Variants in HUWE1 observed in about 807,000 individuals in gnomAD.
HUWE1 encodes the protein E3 ubiquitin-protein ligase HUWE1.
A neutral mutation model predicts 299.4 loss-of-function variants in HUWE1; 18 were observed. The observed-to-expected ratio is 0.06, with a 90% confidence interval of 0.04 to 0.09. The LOEUF (loss-of-function observed/expected upper bound fraction) is 0.09, where lower values mean the gene tolerates loss of function less well. Among genes scored for constraint, HUWE1 ranks in the 10% least tolerant of loss-of-function variants. HUWE1 has a pLI of 1.00. For synonymous variants in HUWE1, 1,317 were observed against 1,286.1 expected (o/e 1.02, Z -0.51); for missense variants, 1,832 against 3,462.3 (o/e 0.53, Z 11.82).
At chrX:53,535,598 G>T in intron 80 of HUWE1, 97 bp from the exon 81 acceptor site, 1 of 589,098 alleles carries the variant, frequency 1.7e-6, no homozygotes, top group South Asian at 2.3e-5. Context: ...CATGTCCTAG[G>T]CAGAGAGATG....
At chrX:53,652,638 C>A (rs1473777991) in intron 4 of HUWE1, among the ~76,000 whole-genome samples, 1 of 111,830 alleles carries the variant, frequency 8.9e-6, no homozygotes, top group Admixed American at 9.5e-5. Context: ...ACATCAAAAA[C>A]AAAATCAAAA....
At position 53,554,717 on chromosome X, in the gene HUWE1, C is replaced by A; in HGVS notation, c.8410G>T (p.Val2804Leu). 8.3e-7 allele frequency: 1 copy of A among 1,211,052 alleles called. No individual in the cohort carries two copies. Among genetic ancestry groups the A allele is most frequent in the Non-Finnish European group, 1.1e-6 (1 of 895,084 alleles). ...GGSSTQLLMP[V>L]EPEELGPTRP... ...GTGGGACCCAATTCCTCTGGCTCTA[C>A]AGGCATCAATAGCTGTGTAGAGCTG... The change falls in exon 61 of 84, where the codon GTA becomes TTA. Residue 2804 changes from valine (V) to leucine (L), a missense_variant. Val to Leu is a conservative substitution (Grantham distance 32). Transcript: ENST00000262854.
chrX:53,648,080 A>G, intron 5 of HUWE1, 132 bp downstream of exon 5: 1 of 524,429 alleles, frequency 1.9e-6, no homozygotes, highest in Non-Finnish European at 3.4e-6. Context: ...TGTTAGGCAC[A>G]TGGCACATGC....
chrX:53,533,287 C>T lies in HUWE1; in HGVS notation c.*22G>A, dbSNP rs1556908264. On this transcript the variant is annotated 3_prime_UTR_variant, in exon 84 of 84. Coordinates refer to ENST00000262854, the MANE Select transcript of HUWE1 (RefSeq NM_031407.7). ...GGTCCAACAATGGTAAAAAAAACCC[C>T]ACGGAGTTGGGCAGGGCCTTATTAG... 1.9e-6 allele frequency: 2 copies of T among 1,074,109 alleles called. No homozygotes were observed. Among genetic ancestry groups the T allele is most frequent in the Admixed American group, 2.2e-5 (1 of 44,754 alleles). The allele number at this position is 1,074,109 out of a possible 1,213,427, so 88.5% of individuals were successfully genotyped here.
chrX:53,570,276 T>C (rs1556949983), intron 47 of HUWE1, among the ~76,000 whole-genome samples: 3 of 112,348 alleles, frequency 2.7e-5, no homozygotes, highest in African/African-American at 9.7e-5. Context: ...CATGTGCTAT[T>C]GCACCTATCT....
chrX:53,652,782 GAA>G (rs1377264801), intron 4 of HUWE1, among the ~76,000 whole-genome samples: 1 of 112,428 alleles, frequency 8.9e-6, no homozygotes, highest in African/African-American at 3.2e-5. Flanking sequence ...ATAGAACAGT[GAA>G]ATACTTTCTT....
chrX:53,682,372 G>A (rs995049752), intron 2 of HUWE1, among the ~76,000 whole-genome samples: 2 of 111,625 alleles, frequency 1.8e-5, no homozygotes, highest in East Asian at 2.8e-4. Flanking sequence ...ATACCAGACC[G>A]CCGCCTATGA....
rs1557005524 is a variant in HUWE1 at position 53,614,565 on chromosome X, T to C, written c.2230A>G (p.Thr744Ala). ...EVQAMQSFNS[T>A]QQNETEPNQQ... ...TTAGGCTCAGTTTCATTTTGCTGGG[T>C]AGAATTAAAGCTCTGCATGGCCTGT... is the stretch of plus-strand genomic sequence containing the variant. Residue 744 changes from threonine to alanine, a missense_variant, in exon 23 of 84, where the codon ACC becomes GCC. Physicochemically the swap from Thr to Ala is moderately conservative, Grantham distance 58. Transcript: ENST00000262854. 2.5e-6 allele frequency: 3 copies of C among 1,208,087 alleles called. No individual in the cohort carries two copies. The highest frequency in any genetic ancestry group is 5.9e-5 in the East Asian group (2 of 33,749).
intron 25 of HUWE1, among the ~76,000 whole-genome samples, chrX:53,606,283 G>T (rs972996626): frequency 8.1e-5 from 9 of 111,462 alleles, no homozygotes; most frequent in African/African-American, 2.9e-4. Context: ...CAAATAACAC[G>T]ATTAAAAAAG....
At chrX:53,544,034 TCTC>T (rs782107617) in intron 72 of HUWE1, 66 bp from the exon 73 acceptor site, 1 of 975,503 alleles carries the variant, frequency 1.0e-6, no homozygotes, top group African/African-American at 1.9e-5. Flanking sequence ...CAATATTCTC[TCTC>T]CTATCTCCTG....
chrX:53,674,302 G>A (rs930468737), intron 3 of HUWE1, among the ~76,000 whole-genome samples: 6 of 111,227 alleles, frequency 5.4e-5, no homozygotes, highest in Non-Finnish European at 9.4e-5. Context: ...TAAACATTGT[G>A]GTGGAATTAT....
intron 7 of HUWE1, among the ~76,000 whole-genome samples, chrX:53,639,985 G>T (rs1420630156): frequency 3.6e-5 from 4 of 112,644 alleles, no homozygotes; most frequent in Non-Finnish European, 5.6e-5. Flanking sequence ...TTATACACAT[G>T]CAAGTGAATG....
intron 3 of HUWE1, among the ~76,000 whole-genome samples, chrX:53,658,604 T>C (rs1398361282): frequency 9.0e-6 from 1 of 111,071 alleles, no homozygotes; most frequent in Admixed American, 9.5e-5. Flanking sequence ...AAAGTCAATA[T>C]AATGGACAAA....
intron 42 of HUWE1, among the ~76,000 whole-genome samples, chrX:53,581,404 A>T (rs2063607341): frequency 8.9e-6 from 1 of 112,314 alleles, no homozygotes; most frequent in Non-Finnish European, 1.9e-5. Context: ...GAACACAATT[A>T]AATATTTTCT....
chrX:53,595,360 A>C lies in HUWE1; in HGVS notation c.3207T>G (p.Leu1069=), dbSNP rs1556984069. Residue 1069 remains leucine (L), a synonymous_variant, in exon 30 of 84, where the codon CTT becomes CTG. Coordinates refer to ENST00000262854, the MANE Select transcript of HUWE1 (RefSeq NM_031407.7). ...LGRALAELFG[L]LVKLCVGSPV... The stretch of plus-strand genomic sequence containing the variant: ...GAGATCCCACACAAAGTTTAACAAG[A>C]AGTCCAAATAGCTCAGCAAGTGCTC... The C allele has an allele frequency of 8.3e-7, 1 of 1,211,380 alleles. No individual in the cohort carries two copies. Among genetic ancestry groups the C allele is most frequent in the South Asian group, 1.8e-5 (1 of 56,910 alleles).
At chrX:53,560,439 G>C in intron 55 of HUWE1, 23 bp from the exon 56 acceptor site, 1 of 1,175,908 alleles carries the variant, frequency 8.5e-7, no homozygotes, top group African/African-American at 1.8e-5. Flanking sequence ...TATGTAAAAG[G>C]GTCAGTGTCA....
At chrX:53,564,048 T>C (rs1364873608) in intron 51 of HUWE1, among the ~76,000 whole-genome samples, 1 of 112,171 alleles carries the variant, frequency 8.9e-6, no homozygotes, top group Non-Finnish European at 1.9e-5. Flanking sequence ...TATCTGATAC[T>C]GGGTTGTCTT....
At chrX:53,668,335 G>A (rs782756931) in intron 3 of HUWE1, among the ~76,000 whole-genome samples, 17 of 108,662 alleles carry the variant, frequency 1.6e-4, no homozygotes, top group African/African-American at 4.4e-4. Context: ...CCAGCTACTC[G>A]GGAGGCCGAG....
At chrX:53,592,693 G>A in intron 32 of HUWE1, 65 bp from the exon 33 acceptor site, 1 of 807,637 alleles carries the variant, frequency 1.2e-6, no homozygotes, top group Admixed American at 2.6e-5. Flanking sequence ...GAAGGATTAA[G>A]TTAAAGACCT....
Sources: gnomAD v4.1 joint callset for allele counts (sites outside exome capture counted in the v4.1 genomes callset) on GRCh38, gnomAD v4.1.1 for gene constraint, MANE v1.5 for transcripts, NCBI Gene and HGNC (gene_info 2026-07-23, HGNC 2026-07-21) for gene names.